Variants in MAP3K13 observed in about 807,000 individuals in gnomAD.
MAP3K13 encodes leucine zipper-bearing kinase.
A neutral mutation model predicts 104.0 loss-of-function variants in MAP3K13; 52 were observed. The observed-to-expected ratio is 0.50, with a 90% CI of 0.40 to 0.63. The LOEUF is 0.63. Among genes scored for constraint, MAP3K13 ranks in the 20% least tolerant of loss-of-function variants. The pLI is 0.00. For missense variants in MAP3K13, 914 were observed against 1,218.5 expected (o/e 0.75, Z 3.72); for synonymous variants, 394 against 442.2 (o/e 0.89, Z 1.37).
intron 1 of MAP3K13, among the ~76,000 whole-genome samples, chr3:185,389,862 C>T (rs1156817992): frequency 6.6e-6 from 1 of 152,078 alleles, no homozygotes; most frequent in Non-Finnish European, 1.5e-5. Context: ...AGAACATTTT[C>T]TTTCATGAAA....
chr3:185,428,624 C>G lies in MAP3K13; in HGVS notation c.43C>G (p.His15Asp), dbSNP rs368973968. The change falls in exon 2 of 14, where the codon CAC (histidine) becomes GAC (aspartate). Residue 15 changes from histidine (H) to aspartate (D), a missense_variant. Coordinates refer to ENST00000265026, the MANE Select transcript of MAP3K13 (RefSeq NM_004721.5). ...QEHLSCSSSP[H>D]LPFSESKTFN... The stretch of plus-strand genomic sequence containing the variant: ...GCACCTGAGCTGCTCCTCTTCTCCA[C>G]ACTTACCCTTCAGTGAAAGCAAAAC... The G allele has an allele frequency of 2.5e-6, 4 of 1,612,232 alleles. No individual in the cohort carries two copies. In the African/African-American group the frequency reaches 5.3e-5, roughly 22 times the overall value.
At chr3:185,427,978 C>T (rs1714522852) in intron 1 of MAP3K13, among the ~76,000 whole-genome samples, 1 of 151,566 alleles carries the variant, frequency 6.6e-6, no homozygotes, top group Non-Finnish European at 1.5e-5. Flanking sequence ...ACTTGGGAGG[C>T]TGAGGCAGGA....
chr3:185,386,652 A>C (rs1711711836), intron 1 of MAP3K13, among the ~76,000 whole-genome samples: 1 of 152,250 alleles, frequency 6.6e-6, no homozygotes, highest in African/African-American at 2.4e-5. Flanking sequence ...AGTCAACCTA[A>C]ATGCCCATCA....
Position 185,482,667 on chromosome 3 carries a change from A to G in MAP3K13, c.*211A>G. The stretch of plus-strand genomic sequence containing the variant: ...ATCCAAATGAAATTAAGTCTCACTG[A>G]ACATTTCAATCAAGAATGGCAGGGA... On this transcript the variant is annotated 3_prime_UTR_variant, in exon 14 of 14. Transcript: ENST00000265026. The surrounding 1 kb of genome is among the most constrained non-coding windows in gnomAD (Gnocchi z 4.5). 1 of 506,460 alleles carries G rather than the reference A, an allele frequency of 2.0e-6. No individual in the cohort carries two copies. Among genetic ancestry groups the G allele is most frequent in the East Asian group, 3.1e-5 (1 of 32,020 alleles). The allele number at this position is 506,460 out of a possible 1,614,324, so 31.4% of individuals were successfully genotyped here. A position where few individuals can be genotyped will look rare whatever the true frequency, so the allele number is the denominator to read the frequency against.
chr3:185,399,310 A>G (rs1245599253), intron 1 of MAP3K13, among the ~76,000 whole-genome samples: 3 of 152,064 alleles, frequency 2.0e-5, no homozygotes, highest in Non-Finnish European at 4.4e-5. Context: ...ACCTGAATAT[A>G]AAAATGATAT....
intron 2 of MAP3K13, among the ~76,000 whole-genome samples, chr3:185,343,282 C>T (rs767297457): frequency 6.6e-6 from 1 of 152,036 alleles, no homozygotes; most frequent in Non-Finnish European, 1.5e-5. Flanking sequence ...ATGAGGGGCA[C>T]CTTAAGAGTT....
At chr3:185,305,559 T>C (rs921502056) in intron 2 of MAP3K13, among the ~76,000 whole-genome samples, 2 of 152,176 alleles carry the variant, frequency 1.3e-5, no homozygotes, top group African/African-American at 4.8e-5. Context: ...CATGATTCTG[T>C]ATTTACCTGT....
intron 2 of MAP3K13, among the ~76,000 whole-genome samples, chr3:185,306,994 A>C (rs1364250103): frequency 6.6e-6 from 1 of 152,166 alleles, no homozygotes; most frequent in African/African-American, 2.4e-5. Context: ...TTCTTTTAGC[A>C]GTTTGAATGT....
chr3:185,465,718 C>T lies in MAP3K13; in HGVS notation c.1389-29C>T, dbSNP rs752851103. On this transcript the variant is annotated intron_variant, in intron 8 of 13. Coordinates refer to ENST00000265026, the MANE Select transcript of MAP3K13 (RefSeq NM_004721.5). ...ACTTTTTTCTCCCGAAGTTGGTTGG[C>T]TGGGCTGACCCTGTGTTTTCTCTGA... The T allele has an allele frequency of 2.0e-6, 3 of 1,536,938 alleles. No homozygotes were observed. In the Admixed American group the frequency reaches 5.0e-5, roughly 26 times the overall value.
chr3:185,378,741 G>A (rs1184004393), intron 1 of MAP3K13, among the ~76,000 whole-genome samples: 1 of 152,194 alleles, frequency 6.6e-6, no homozygotes, highest in Non-Finnish European at 1.5e-5. Flanking sequence ...ATTGGGAGCA[G>A]AGACTAGGGA....
intron 1 of MAP3K13, among the ~76,000 whole-genome samples, chr3:185,283,603 G>T (rs1300975133): frequency 6.6e-6 from 1 of 152,190 alleles, no homozygotes; most frequent in African/African-American, 2.4e-5. Context: ...CTAACCAGGG[G>T]TTTATGAGGA....
chr3:185,468,340 A>G (rs150226294), intron 10 of MAP3K13, among the ~76,000 whole-genome samples: 44 of 152,332 alleles, frequency 2.9e-4, no homozygotes, highest in African/African-American at 1.0e-3. Flanking sequence ...CTATCAAATC[A>G]TAGGTGCTCG....
At chr3:185,372,922 C>A (rs907361630) in intron 1 of MAP3K13, among the ~76,000 whole-genome samples, 1 of 152,174 alleles carries the variant, frequency 6.6e-6, no homozygotes, top group Non-Finnish European at 1.5e-5. Context: ...AATACCTGTA[C>A]CTGAGACTGT....
rs1191749826 is a variant in MAP3K13 at position 185,455,372 on chromosome 3, G to GAT, written c.1278+3984_1278+3985dup. 1.4e-3 allele frequency among the ~76,000 whole-genome samples: 103 copies of GAT among 74,844 alleles called. 23 individuals carry two copies. Among genetic ancestry groups the GAT allele is most frequent in the African/African-American group, 4.4e-3 (90 of 20,232 alleles). The allele number at this position is 74,844 out of a possible 152,430, so 49.1% of individuals were successfully genotyped here. On this transcript the variant is annotated intron_variant, in intron 7 of 13. Transcript: ENST00000265026. ...TATGATATATATATGAGATATATAT[G>GAT]ATATATATGATATATATATCATATA...
rs185807135 is a variant in MAP3K13 at position 185,480,748 on chromosome 3, C to T, written c.2799+219C>T. On this transcript the variant is annotated intron_variant, in intron 13 of 13. Coordinates refer to ENST00000265026, the MANE Select transcript of MAP3K13 (RefSeq NM_004721.5). ...ACTTCCACAAGCTGTACAGGAAGCA[C>T]GGCTGGGAGACCTCAGGAAACACAA... Among the ~76,000 whole-genome samples, 217 of 152,260 alleles carry T rather than the reference C, an allele frequency of 1.4e-3. 3 individuals are homozygous for T. Among genetic ancestry groups the T allele is most frequent in the African/African-American group, 4.0e-3 (165 of 41,532 alleles).
At chr3:185,465,992 G>T in intron 9 of MAP3K13, 129 bp downstream of exon 9, 1 of 737,026 alleles carries the variant, frequency 1.4e-6, no homozygotes, top group East Asian at 2.7e-5. Context: ...CATTCCTTCC[G>T]GGATGTGCTA....
At chr3:185,396,731 A>T (rs1241268640) in intron 1 of MAP3K13, among the ~76,000 whole-genome samples, 1 of 152,196 alleles carries the variant, frequency 6.6e-6, no homozygotes, top group African/African-American at 2.4e-5. Flanking sequence ...AGTTGTCCCC[A>T]AACAAATGAG....
intron 1 of MAP3K13, among the ~76,000 whole-genome samples, chr3:185,426,080 CCTT>C (rs71164508): frequency 2.8e-4 from 43 of 151,092 alleles, no homozygotes; most frequent in Middle Eastern, 3.4e-3. Flanking sequence ...TCCCTCTTCT[CCTT>C]CTTCTTCTTC....
chr3:185,388,081 G>T (rs1711801213), intron 1 of MAP3K13, among the ~76,000 whole-genome samples: 1 of 150,648 alleles, frequency 6.6e-6, no homozygotes, highest in Admixed American at 6.6e-5. Flanking sequence ...CAACAAACTA[G>T]CTGAAAAATA....
Sources: allele counts gnomAD v4.1 joint callset (sites outside exome capture counted in the v4.1 genomes callset), GRCh38; gene constraint gnomAD v4.1.1; non-coding constraint Gnocchi (gnomAD v3.1); transcripts MANE v1.5; gene names NCBI Gene and HGNC (gene_info 2026-07-23, HGNC 2026-07-21).